Variants in JMJD1C observed in about 807,000 individuals in gnomAD.
The protein encoded by JMJD1C is jumonji domain-containing protein 1C.
In JMJD1C, 31 loss-of-function variants were observed where a neutral mutation model predicts 245.3. That is an observed-to-expected ratio of 0.13 (90% CI 0.09 to 0.17). The LOEUF (loss-of-function observed/expected upper bound fraction) is 0.17, where lower values mean the gene tolerates loss of function less well. JMJD1C is among the 10% of genes least tolerant of loss of function. The pLI, the probability that JMJD1C is intolerant of heterozygous loss-of-function variation, is 1.00. For missense variants in JMJD1C, 2,691 were observed against 3,000.2 expected, an observed-to-expected ratio of 0.90 and a Z score of 2.41; for synonymous variants, 1,057 against 1,017.4, an observed-to-expected ratio of 1.04 and a Z score of -0.74.
At chr10:63,233,021 G>C (rs1025735860) in intron 3 of JMJD1C, among the ~76,000 whole-genome samples, 1 of 152,098 alleles carries the variant, frequency 6.6e-6, no homozygotes, top group African/African-American at 2.4e-5. Context: ...CTACAATGCT[G>C]TCTAATTCCA....
chr10:63,389,725 A>T (rs1947905108), intron 1 of JMJD1C, among the ~76,000 whole-genome samples: 1 of 152,126 alleles, frequency 6.6e-6, no homozygotes. Flanking sequence ...TAAAACTAGA[A>T]ATCAACAAAG....
At chr10:63,351,290 G>T (rs990363511) in intron 2 of JMJD1C, among the ~76,000 whole-genome samples, 1 of 151,784 alleles carries the variant, frequency 6.6e-6, no homozygotes, top group Non-Finnish European at 1.5e-5. Flanking sequence ...TATTCACAAT[G>T]TTGGCCAGGC....
At chr10:63,209,281 A>T (rs1289092190) in intron 8 of JMJD1C, 46 bp from the exon 9 acceptor site, 1 of 1,525,570 alleles carries the variant, frequency 6.6e-7, no homozygotes, top group Non-Finnish European at 8.9e-7. Context: ...TTCAGTTACT[A>T]GAAAAAGCTA....
intron 1 of JMJD1C, among the ~76,000 whole-genome samples, chr10:63,385,406 C>T (rs554038023): frequency 6.8e-6 from 1 of 147,996 alleles, no homozygotes; most frequent in Admixed American, 6.8e-5. Flanking sequence ...CATGCCTTCC[C>T]TGCCCCCGCC....
intron 2 of JMJD1C, among the ~76,000 whole-genome samples, chr10:63,285,644 C>CA (rs1203106832): frequency 6.6e-6 from 1 of 152,016 alleles, no homozygotes; most frequent in Admixed American, 6.6e-5. Flanking sequence ...CCCATTTCTA[C>CA]AAAAAATATA....
Position 63,214,386 on chromosome 10 carries a change from T to G in JMJD1C, c.1781A>C (p.Glu594Ala). The stretch of plus-strand genomic sequence containing the variant: ...AGGAGAAATGTAAGAGACATACTTC[T>G]CTTTTTCCATGTTCAAGTGATCATT... ...SGNDHLNMEK[E>A]KYVSYISPLS... The change falls in exon 8 of 26, where the codon GAG becomes GCG. Residue 594 changes from glutamate (E) to alanine (A), a missense_variant. Around this residue, in one of 9 missense-constraint regions of JMJD1C, gnomAD observed 1,562 missense variants for 1,490.7 expected, o/e 1.05. Coordinates refer to ENST00000399262, the MANE Select transcript of JMJD1C (RefSeq NM_032776.3). 1.2e-6 allele frequency: 2 copies of G among 1,614,000 alleles called. No individual in the cohort carries two copies. Among genetic ancestry groups the G allele is most frequent in the Non-Finnish European group, 1.7e-6 (2 of 1,180,012 alleles).
intron 1 of JMJD1C, among the ~76,000 whole-genome samples, chr10:63,442,252 A>G (rs1589755881): frequency 6.6e-6 from 1 of 152,202 alleles, no homozygotes; most frequent in Admixed American, 6.5e-5. Context: ...AAACGCCAAC[A>G]ATTTTTAAAC....
chr10:63,290,612 A>G (rs970549130), intron 2 of JMJD1C, among the ~76,000 whole-genome samples: 1 of 152,214 alleles, frequency 6.6e-6, no homozygotes, highest in African/African-American at 2.4e-5. Flanking sequence ...GCGATAATAT[A>G]GGGAAAAGCT....
chr10:63,511,880 A>T (rs1268170762), intron 1 of JMJD1C, among the ~76,000 whole-genome samples: 1 of 152,146 alleles, frequency 6.6e-6, no homozygotes, highest in Non-Finnish European at 1.5e-5. Context: ...ATGTATACTG[A>T]GGAATAACTG....
At chr10:63,369,903 A>T (rs1946161575) in intron 2 of JMJD1C, among the ~76,000 whole-genome samples, 1 of 152,152 alleles carries the variant, frequency 6.6e-6, no homozygotes, top group South Asian at 2.1e-4. Flanking sequence ...TGTGATTTAC[A>T]ATGGGGGCTT....
At chr10:63,186,486 T>C in intron 18 of JMJD1C, 103 bp from the exon 19 acceptor site, 1 of 864,438 alleles carries the variant, frequency 1.2e-6, no homozygotes, top group Non-Finnish European at 1.7e-6. Flanking sequence ...TTACCCAGGC[T>C]GGAGAGCAGT....
rs189869417 is a variant in JMJD1C at position 63,211,262 on chromosome 10, C to G, written c.2695-2027G>C. On this transcript the variant is annotated intron_variant, in intron 8 of 25. Transcript: ENST00000399262. ...GGCGGATCACTTGAGGTCAGGAGTT[C>G]GAGACCAGCCTGGCCAGCATAGTGA... Among the ~76,000 whole-genome samples the G allele has an allele frequency of 1.5e-4, 23 of 152,034 alleles. No individual in the cohort carries two copies. In the East Asian group the frequency reaches 3.9e-3, roughly 26 times the overall value.
chr10:63,338,576 A>C (rs888315892), intron 2 of JMJD1C, among the ~76,000 whole-genome samples: 1 of 151,700 alleles, frequency 6.6e-6, no homozygotes, highest in Non-Finnish European at 1.5e-5. Flanking sequence ...CTGACTACAC[A>C]TGCTACATTA....
At chr10:63,304,591 T>C (rs760290789) in intron 2 of JMJD1C, among the ~76,000 whole-genome samples, 6 of 152,190 alleles carry the variant, frequency 3.9e-5, no homozygotes, top group Non-Finnish European at 7.4e-5. Flanking sequence ...TTGTCTAAAA[T>C]GCAAATCAAC....
intron 24 of JMJD1C, among the ~76,000 whole-genome samples, chr10:63,175,876 T>C (rs775347498): frequency 3.4e-4 from 52 of 152,180 alleles, no homozygotes; most frequent in Admixed American, 1.1e-3. Context: ...TCAACAGTTA[T>C]ATAAATTACA....
chr10:63,314,216 G>A (rs1939625590), intron 2 of JMJD1C, among the ~76,000 whole-genome samples: 1 of 152,152 alleles, frequency 6.6e-6, no homozygotes, highest in Admixed American at 6.5e-5. Flanking sequence ...TTTTGTTGAG[G>A]ATCAGTTGGC....
intron 2 of JMJD1C, among the ~76,000 whole-genome samples, chr10:63,278,502 C>T (rs1336398315): frequency 1.3e-5 from 2 of 150,852 alleles, no homozygotes; most frequent in Non-Finnish European, 2.9e-5. Context: ...CTGGCCTGGG[C>T]GACAGACGAG....
In JMJD1C at chr10:63,413,136, G is replaced by A. The variant is rs887545657; in HGVS notation, c.169-32654C>T. On this transcript the variant is annotated intron_variant, in intron 1 of 25. Coordinates refer to ENST00000399262, the MANE Select transcript of JMJD1C (RefSeq NM_032776.3). ...AAGCCATTTTAATCAGGCAGACAAA[G>A]ATATACAACACAATTTATAAATTTT... Among the ~76,000 whole-genome samples, 10 of 152,178 alleles carry A rather than the reference G, an allele frequency of 6.6e-5. No homozygotes were observed. In the East Asian group the frequency reaches 1.9e-3, roughly 29 times the overall value.
At chr10:63,250,001 G>A (rs1852834686) in intron 3 of JMJD1C, among the ~76,000 whole-genome samples, 1 of 152,050 alleles carries the variant, frequency 6.6e-6, no homozygotes, top group Admixed American at 6.5e-5. Flanking sequence ...CATCTATTAT[G>A]TATTGATAAT....
Sources: gnomAD v4.1 joint callset for allele counts (sites outside exome capture counted in the v4.1 genomes callset) on GRCh38, gnomAD v4.1.1 for gene constraint, gnomAD v4.1.1 regional missense constraint, MANE v1.5 for transcripts, NCBI Gene and HGNC (gene_info 2026-07-23, HGNC 2026-07-21) for gene names.